LRRC43: variants seen among roughly 807,000 people sequenced by gnomAD.
The protein encoded by LRRC43 is leucine-rich repeat-containing protein 43.
LRRC43 carries 62 observed loss-of-function variants against 64.3 expected under a neutral mutation model. The observed-to-expected ratio is 0.96, with a 90% CI of 0.79 to 1.19. The LOEUF (loss-of-function observed/expected upper bound fraction) is 1.19, where lower values mean the gene tolerates loss of function less well. LRRC43 is among the 50% of genes most tolerant of loss of function. The pLI, the probability that LRRC43 is intolerant of heterozygous loss-of-function variation, is 0.00. For missense variants in LRRC43, 868 were observed against 845.0 expected (o/e 1.03, Z -0.34); for synonymous variants, 422 against 382.3 (o/e 1.10, Z -1.21).
intron 7 of LRRC43, among the ~76,000 whole-genome samples, chr12:122,197,312 C>T (rs1398257248): frequency 7.0e-6 from 1 of 142,630 alleles, no homozygotes; most frequent in Non-Finnish European, 1.5e-5. Flanking sequence ...AGATGCATGT[C>T]ACCACCCCTG....
intron 1 of LRRC43, among the ~76,000 whole-genome samples, chr12:122,169,100 T>G (rs1000661876): frequency 4.6e-5 from 7 of 152,182 alleles, no homozygotes; most frequent in Middle Eastern, 6.8e-3. Flanking sequence ...CTGAGATGCA[T>G]CTCCCCTGCC....
chr12:122,170,814 G>A (rs1221390447), intron 1 of LRRC43, among the ~76,000 whole-genome samples: 1 of 151,870 alleles, frequency 6.6e-6, no homozygotes, highest in Non-Finnish European at 1.5e-5. Flanking sequence ...ATATATAGGT[G>A]CTGGTAGACT....
At position 122,201,107 on chromosome 12, in the gene LRRC43, C is replaced by A. The variant is rs1317130203; in HGVS notation, c.1809+173C>A. ...CTGGTGCTGCCGCCTGCACAGAGGG[C>A]GCCTCCGTGGACTTTGGCCCAGTCA... On this transcript the variant is annotated intron_variant, in intron 10 of 11. Transcript: ENST00000339777. Among the ~76,000 whole-genome samples the A allele has an allele frequency of 3.3e-5, 5 of 152,182 alleles. 1 individual carries two copies. The highest frequency in any genetic ancestry group is 2.0e-4 in the Admixed American group (3 of 15,294).
intron 3 of LRRC43, 33 bp from the exon 4 acceptor site, chr12:122,187,668 C>T (rs762312410): frequency 6.2e-7 from 1 of 1,607,558 alleles, no homozygotes; most frequent in Non-Finnish European, 8.5e-7. Flanking sequence ...ACTTGGGGCC[C>T]CATCGTCCCG....
intron 1 of LRRC43, among the ~76,000 whole-genome samples, chr12:122,177,661 T>C (rs1039595445): frequency 1.3e-5 from 2 of 151,096 alleles, no homozygotes; most frequent in African/African-American, 4.9e-5. Context: ...TGCACCACCA[T>C]GCCTGGCTAA....
chr12:122,190,980 A>G (rs1953711858), intron 5 of LRRC43, among the ~76,000 whole-genome samples: 1 of 152,146 alleles, frequency 6.6e-6, no homozygotes, highest in Non-Finnish European at 1.5e-5. Flanking sequence ...AAAAAAATAA[A>G]AAGTCAAAAC....
intron 5 of LRRC43, among the ~76,000 whole-genome samples, chr12:122,191,035 C>T (rs1444068343): frequency 2.0e-5 from 3 of 152,150 alleles, no homozygotes; most frequent in Non-Finnish European, 4.4e-5. Context: ...GCTTCTTCAC[C>T]TCCCTGGTGG....
rs753216136 is a variant in LRRC43, at chr12:122,191,501, C to T, written c.1023C>T (p.Tyr341=). The part of the protein sequence containing the change: ...PEGPFITYNY[Y]VTYDFVKDEE... The stretch of plus-strand genomic sequence containing the variant: ...GCCCTTTCATCACTTACAACTATTA[C>T]GTGACCTATGATTTTGTGAAAGATG... Residue 341 remains tyrosine (Y), a synonymous_variant, in exon 6 of 12, where the codon TAC becomes TAT. Transcript: ENST00000339777. 1.3e-5 allele frequency: 21 copies of T among 1,613,984 alleles called. No homozygotes were observed. In the Admixed American group the frequency reaches 2.2e-4, roughly 17 times the overall value.
rs528392425 is a variant in LRRC43 at position 122,174,857 on chromosome 12, T to C, written c.-406+7075T>C. ...CATATCTTTTTTCTTTTTTTTTTTT[T>C]TGAGATGGAGTCTTGCTCTGTCACC... On this transcript the variant is annotated intron_variant, in intron 1 of 5. Coordinates refer to the LRRC43 transcript ENST00000537729. 2.6e-5 allele frequency among the ~76,000 whole-genome samples: 4 copies of C among 151,876 alleles called. No individual in the cohort carries two copies. In the East Asian group the frequency reaches 7.7e-4, roughly 29 times the overall value.
intron 7 of LRRC43, among the ~76,000 whole-genome samples, chr12:122,198,623 C>CTTTTTTTTTTT (rs1012460173): frequency 4.0e-5 from 4 of 100,498 alleles, no homozygotes; most frequent in African/African-American, 1.9e-4. Flanking sequence ...TGCTTCATTC[C>CTTTTTTTTTTT]TTTTTTTTTT....
intron 5 of LRRC43, 41 bp downstream of exon 5, chr12:122,190,409 C>T (rs757006329): frequency 2.0e-6 from 3 of 1,515,706 alleles, no homozygotes; most frequent in Non-Finnish European, 2.7e-6. Flanking sequence ...GCATGTGACA[C>T]CCCAGCCTGC....
intron 7 of LRRC43, among the ~76,000 whole-genome samples, chr12:122,199,345 C>T (rs577116582): frequency 5.5e-5 from 8 of 144,570 alleles, no homozygotes; most frequent in South Asian, 2.2e-4. Context: ...TGTACTGTCG[C>T]GATCTCAGCT....
In LRRC43 at chr12:122,183,349, G is replaced by A. The variant is rs967854090; in HGVS notation, c.150+55G>A. On this transcript the variant is annotated intron_variant, in intron 1 of 11. Coordinates refer to ENST00000339777, the MANE Select transcript of LRRC43 (RefSeq NM_001098519.2). ...GCCTGGACCGGCTGCGGGGAGGCAC[G>A]GGCCCGGGCGAGCGGAGCGGGCTGG... 1.7e-5 allele frequency: 24 copies of A among 1,388,338 alleles called. No individual in the cohort carries two copies. The Admixed American group carries it at 8.5e-4, about 49-fold the overall frequency. 86.0% of individuals were successfully genotyped at this position (1,388,338 alleles called of 1,614,324 possible). A position where few individuals can be genotyped will look rare whatever the true frequency, so the allele number is the denominator to read the frequency against.
At chr12:122,186,569 T>C (rs966137264) in intron 3 of LRRC43, among the ~76,000 whole-genome samples, 9 of 152,158 alleles carry the variant, frequency 5.9e-5, no homozygotes, top group African/African-American at 2.2e-4. Context: ...TTACTCACAA[T>C]AGCAGAAGGG....
At chr12:122,178,756 GT>G (rs1445339495), upstream of LRRC43, among the ~76,000 whole-genome samples, 3 of 150,980 alleles carry the variant, frequency 2.0e-5, no homozygotes, top group Non-Finnish European at 3.0e-5. Flanking sequence ...CACTCTTGGC[GT>G]TTTTTTGTTT....
rs560003792 is a variant in LRRC43 at position 122,184,971 on chromosome 12, C to T, written c.411+192C>T. Among the ~76,000 whole-genome samples, 5 of 152,272 alleles carry T rather than the reference C, an allele frequency of 3.3e-5. No individual in the cohort carries two copies. Among genetic ancestry groups the T allele is most frequent in the African/African-American group, 7.2e-5 (3 of 41,552 alleles). ...AGGGCCGGCTACTCGGTCAGCCTTG[C>T]GTTTCTTCTTCCTTTACCCCTGGAA... On this transcript the variant is annotated intron_variant, in intron 2 of 11. Transcript: ENST00000339777. This position sits in a 1 kb window ranked among gnomAD's most constrained non-coding sequence, Gnocchi z 4.0.
At position 122,187,712 on chromosome 12, in the gene LRRC43, C is replaced by G. The variant is rs1157725273; in HGVS notation, c.534C>G (p.Leu178=). The part of the protein sequence containing the change: ...NLPPTLKVLE[L]YGNEISSMEC... ...GTGTGGTCTCCCAGGTGCTGGAGCT[C>G]TACGGCAATGAGATCAGCAGCATGG... The change falls in exon 4 of 12, where the codon CTC becomes CTG. Residue 178 remains leucine, a synonymous_variant. Transcript: ENST00000339777. The G allele has an allele frequency of 1.2e-6, 2 of 1,613,640 alleles. No homozygotes were observed. Among genetic ancestry groups the G allele is most frequent in the Non-Finnish European group, 1.7e-6 (2 of 1,180,006 alleles).
At chr12:122,183,405 G>T in intron 1 of LRRC43, 111 bp downstream of exon 1, 1 of 1,236,146 alleles carries the variant, frequency 8.1e-7, no homozygotes, top group South Asian at 1.9e-5. Flanking sequence ...CGCATTCTGG[G>T]GGCCGCCGAC....
rs768713211 is a variant in LRRC43 at position 122,191,428 on chromosome 12, G to T, written c.950G>T (p.Arg317Ile). ...TTTGTGGTGACCATCGGAAACATCA[G>T]AGGAGTCCTGGACACCTCTGTCTTA... Reference protein sequence around the residue: ...AQFVVTIGNIRGVLDTSVLDP... With the variant: ...AQFVVTIGNIIGVLDTSVLDP... The change falls in exon 6 of 12, where the codon AGA (arginine) becomes ATA (isoleucine). Residue 317 changes from arginine (R) to isoleucine (I), a missense_variant. Transcript: ENST00000339777. The T allele has an allele frequency of 5.6e-6, 9 of 1,613,872 alleles. No homozygotes were observed. Among genetic ancestry groups the T allele is most frequent in the Non-Finnish European group, 5.9e-6 (7 of 1,179,984 alleles).
Sources: gnomAD v4.1 joint callset for allele counts (sites outside exome capture counted in the v4.1 genomes callset) on GRCh38, gnomAD v4.1.1 for gene constraint, Gnocchi (gnomAD v3.1) non-coding constraint, MANE v1.5 for transcripts, NCBI Gene and HGNC (gene_info 2026-07-23, HGNC 2026-07-21) for gene names.